The following DHRS4L2 variants were observed in gnomAD, a reference collection of about 807,000 sequenced individuals.
DHRS4L2 encodes the protein dehydrogenase/reductase 4 like 2.
DHRS4L2 carries 22 observed loss-of-function variants against 23.9 expected under a neutral mutation model. That is an observed-to-expected ratio of 0.92 (90% CI 0.66 to 1.31). The LOEUF is 1.31. Ranked by LOEUF, DHRS4L2 falls within the 40% of genes most tolerant of loss-of-function variation. The pLI is 0.00. For synonymous variants in DHRS4L2, 141 were observed against 123.7 expected (o/e 1.14, Z -0.93); for missense variants, 385 against 303.3 (o/e 1.27, Z -2.00).
intron 1 of DHRS4L2, among the ~76,000 whole-genome samples, chr14:23,978,285 G>A (rs575508644): frequency 4.7e-4 from 70 of 149,484 alleles, no homozygotes; most frequent in African/African-American, 1.7e-3. Flanking sequence ...ATATCCATCA[G>A]TAGGAGACTA....
Position 23,992,864 on chromosome 14 carries a change from T to G in DHRS4L2, c.307-2168T>G, listed in dbSNP as rs1222440922. Among the ~76,000 whole-genome samples, 6 of 146,438 alleles carry G rather than the reference T, an allele frequency of 4.1e-5. No homozygotes were observed. The East Asian group carries it at 5.9e-4, about 14-fold the overall frequency. On this transcript the variant is annotated intron_variant, in intron 2 of 7. Transcript: ENST00000335125. Reference sequence around the variant, plus strand: ...CCACACCAGTTCATTTTTTAAATTTTTTGTAGAGTTGGGGCTGTATTTCCC... The same window carrying G: ...CCACACCAGTTCATTTTTTAAATTTGTTGTAGAGTTGGGGCTGTATTTCCC...
At chr14:23,972,700 A>G in intron 1 of DHRS4L2, among the ~76,000 whole-genome samples, 1 of 151,994 alleles carries the variant, frequency 6.6e-6, no homozygotes, top group Non-Finnish European at 1.5e-5. Context: ...ACCGGCGCTC[A>G]GCATACCAAG....
At chr14:23,993,551 G>T (rs139964146) in intron 2 of DHRS4L2, among the ~76,000 whole-genome samples, 2 of 151,742 alleles carry the variant, frequency 1.3e-5, no homozygotes, top group Non-Finnish European at 2.9e-5. Context: ...CCGGGCAAAT[G>T]CAAAGTCTAG....
rs1459701889 is a variant in DHRS4L2 at position 23,994,156 on chromosome 14, A to G, written c.307-876A>G. ...CAGCTCTATTTAAGCCAGTTTTTCC[A>G]TTCAGGTAAGTGTGGACAGATTGAC... On this transcript the variant is annotated intron_variant, in intron 2 of 7. Coordinates refer to ENST00000335125, the MANE Select transcript of DHRS4L2 (RefSeq NM_198083.4). Among the ~76,000 whole-genome samples, 5 of 151,766 alleles carry G rather than the reference A, an allele frequency of 3.3e-5. 1 individual carries two copies. Among genetic ancestry groups the G allele is most frequent in the Non-Finnish European group, 7.4e-5 (5 of 67,930 alleles).
intron 1 of DHRS4L2, among the ~76,000 whole-genome samples, chr14:23,972,814 G>A (rs1341767552): frequency 6.6e-6 from 1 of 151,858 alleles, no homozygotes; most frequent in Non-Finnish European, 1.5e-5. Flanking sequence ...GTGATAATAA[G>A]GAGAAGGTCA....
In DHRS4L2 at chr14:23,991,600, T is replaced by C. The variant is rs949387955; in HGVS notation, c.306+1241T>C. 5.3e-5 allele frequency among the ~76,000 whole-genome samples: 8 copies of C among 151,580 alleles called. 1 individual carries two copies. Among genetic ancestry groups the C allele is most frequent in the Non-Finnish European group, 1.0e-4 (7 of 67,904 alleles). ...ATAGTGACGAGGTTCCAGATAACTC[T>C]GCAAAATGAGCAGACAGCCAAGGAG... On this transcript the variant is annotated intron_variant, in intron 2 of 7. Coordinates refer to ENST00000335125, the MANE Select transcript of DHRS4L2 (RefSeq NM_198083.4).
chr14:23,991,499 A>C (rs1188761003), intron 2 of DHRS4L2, among the ~76,000 whole-genome samples: 5 of 151,790 alleles, frequency 3.3e-5, no homozygotes, highest in Non-Finnish European at 5.9e-5. Flanking sequence ...AGGTTCACTT[A>C]ACATGGCCTA....
At chr14:23,976,995 C>T (rs1009441875) in intron 1 of DHRS4L2, among the ~76,000 whole-genome samples, 6 of 151,772 alleles carry the variant, frequency 4.0e-5, no homozygotes, top group African/African-American at 1.5e-4. Flanking sequence ...AGGAGAAATA[C>T]CTAATGTAAA....
chr14:23,988,676 G>A, upstream of DHRS4L2: 2 of 809,504 alleles, frequency 2.5e-6, no homozygotes, highest in South Asian at 3.2e-5. Context: ...CGGGGGCCAG[G>A]GGAGGGGCGA....
chr14:23,991,737 C>CCT (rs568419038), intron 2 of DHRS4L2, among the ~76,000 whole-genome samples: 1 of 139,882 alleles, frequency 7.1e-6, no homozygotes, highest in Non-Finnish European at 1.6e-5. Flanking sequence ...GCCTCCATAT[C>CCT]TTTTTTTTTT....
chr14:23,984,116 C>G (rs138247301), upstream of DHRS4L2, among the ~76,000 whole-genome samples: 1 of 151,122 alleles, frequency 6.6e-6, no homozygotes, highest in African/African-American at 2.4e-5. Flanking sequence ...ATTTGAAGGG[C>G]AGTATGTGCA....
chr14:23,987,452 G>A (rs2034174042), upstream of DHRS4L2, among the ~76,000 whole-genome samples: 1 of 151,526 alleles, frequency 6.6e-6, no homozygotes, highest in Admixed American at 6.6e-5. Flanking sequence ...TTTTTCAGCT[G>A]CTCAGCTGAC....
chr14:23,996,992 C>A (rs2034396446), intron 3 of DHRS4L2, among the ~76,000 whole-genome samples: 1 of 150,884 alleles, frequency 6.6e-6, no homozygotes, highest in Admixed American at 6.6e-5. Flanking sequence ...TGAATACAGA[C>A]CATATGAAAG....
chr14:24,005,558 C>A (rs1186981010), intron 7 of DHRS4L2, among the ~76,000 whole-genome samples: 1 of 152,026 alleles, frequency 6.6e-6, no homozygotes, highest in African/African-American at 2.4e-5. Context: ...ACATGTGAAA[C>A]CATTTTTTTG....
upstream of DHRS4L2, chr14:23,987,158 T>C: frequency 3.2e-6 from 1 of 314,764 alleles, no homozygotes; most frequent in South Asian, 2.3e-5. Context: ...TGAGACAGAG[T>C]CTCCATCTGT....
rs62000760 is a variant in DHRS4L2, at chr14:24,001,300, C to G, written c.532-84C>G. On this transcript the variant is annotated intron_variant, in intron 5 of 7. Transcript: ENST00000335125. ...GCCCCTCCCTTACAGGAGATCCCTA[C>G]TGAGCACTGCCCTCTATGTCTAGTT... The G allele has an allele frequency of 2.6e-6, 4 of 1,564,752 alleles. No individual in the cohort carries two copies. The East Asian group carries it at 9.3e-5, about 36-fold the overall frequency.
At chr14:23,999,106 CACA>C (rs2034436095) in intron 3 of DHRS4L2, among the ~76,000 whole-genome samples, 1 of 145,166 alleles carries the variant, frequency 6.9e-6, no homozygotes, top group Admixed American at 6.9e-5. Context: ...AGTCAGAACA[CACA>C]ACATTTTTCA....
upstream of DHRS4L2, among the ~76,000 whole-genome samples, chr14:23,985,340 GGAA>G (rs2034120945): frequency 6.6e-6 from 1 of 151,600 alleles, no homozygotes; most frequent in Non-Finnish European, 1.5e-5. Flanking sequence ...CACTTACTAA[GGAA>G]GTGCTCAATA....
chr14:23,995,726 A>T (rs2034367712), intron 3 of DHRS4L2, among the ~76,000 whole-genome samples: 2 of 151,830 alleles, frequency 1.3e-5, no homozygotes, highest in Non-Finnish European at 2.9e-5. Flanking sequence ...AAAGTGTATA[A>T]TTACATTATA....
Sources: allele counts gnomAD v4.1 joint callset (sites outside exome capture counted in the v4.1 genomes callset), GRCh38; gene constraint gnomAD v4.1.1; transcripts MANE v1.5; gene names NCBI Gene and HGNC (gene_info 2026-07-23, HGNC 2026-07-21).